CROCC2: variants seen among roughly 807,000 people sequenced by gnomAD.
CROCC2 encodes ciliary rootlet coiled-coil, rootletin family member 2.
In CROCC2, 163 loss-of-function variants were observed where a neutral mutation model predicts 177.6. That is an observed-to-expected ratio of 0.92 (90% confidence interval 0.81 to 1.05). The LOEUF is 1.05. CROCC2 is among the 50% of genes least tolerant of loss of function. The probability of loss-of-function intolerance (pLI) is 0.00; values close to 1 mark genes in which losing one functional copy is unlikely to be tolerated. For synonymous variants in CROCC2, 904 were observed against 787.3 expected (o/e 1.15, Z -2.48); for missense variants, 1,929 against 1,797.8 (o/e 1.07, Z -1.32).
intron 28 of CROCC2, among the ~76,000 whole-genome samples, chr2:240,987,089 C>A (rs77296026): frequency 0.12 from 17,617 of 152,294 alleles, 1,054 homozygotes; most frequent in South Asian, 0.19. Context: ...GCCCCTGCTG[C>A]TATTACTGAA....
intron 19 of CROCC2, 130 bp from the exon 20 acceptor site, chr2:240,959,171 C>G: frequency 1.8e-6 from 2 of 1,101,098 alleles, no homozygotes; most frequent in South Asian, 3.6e-5. Flanking sequence ...GGGGCTTGCA[C>G]GATCAGCAGG....
At chr2:240,915,260 G>C (rs2059312954) in intron 1 of CROCC2, among the ~76,000 whole-genome samples, 1 of 152,182 alleles carries the variant, frequency 6.6e-6, no homozygotes, top group Non-Finnish European at 1.5e-5. Context: ...GAAACCCCCG[G>C]TCCCCAGCAA....
At chr2:240,932,170 C>A in intron 7 of CROCC2, 148 bp from the exon 8 acceptor site, 2 of 608,006 alleles carry the variant, frequency 3.3e-6, no homozygotes, top group South Asian at 2.0e-5. Context: ...CATGCTCAGA[C>A]CAGGGACAGA....
In CROCC2 at chr2:240,960,611, C is replaced by A. The variant is rs185319220; in HGVS notation, c.3087+1167C>A. Among the ~76,000 whole-genome samples, 1 of 152,096 alleles carries A rather than the reference C, an allele frequency of 6.6e-6. No individual in the cohort carries two copies. Among genetic ancestry groups the A allele is most frequent in the African/African-American group, 2.4e-5 (1 of 41,416 alleles). ...GGGGCCCACGGGGACGGGGCGACCTCGCACACTCCCTGGGCTGCTTGCCAA... is the reference window on the plus strand; with the variant it reads ...GGGGCCCACGGGGACGGGGCGACCTAGCACACTCCCTGGGCTGCTTGCCAA... On this transcript the variant is annotated intron_variant, in intron 20 of 31. Transcript: ENST00000690015. The surrounding 1 kb of genome is among the most constrained non-coding windows in gnomAD (Gnocchi z 5.0).
Position 240,936,365 on chromosome 2 carries a change from G to A in CROCC2, c.2169+777G>A, listed in dbSNP as rs75007695. 6.0e-3 allele frequency among the ~76,000 whole-genome samples: 920 copies of A among 152,288 alleles called. 6 individuals are homozygous for A. Among genetic ancestry groups the A allele is most frequent in the Non-Finnish European group, 0.011 (729 of 68,022 alleles). On this transcript the variant is annotated intron_variant, in intron 14 of 31. Coordinates refer to ENST00000690015, the MANE Select transcript of CROCC2 (RefSeq NM_001351305.2). Reference sequence around the variant, plus strand: ...CAAAGCCCCCGGCTCCCACCCAGGTGACCTCTGCTCTGATGTGCAGCACCA... The same window carrying A: ...CAAAGCCCCCGGCTCCCACCCAGGTAACCTCTGCTCTGATGTGCAGCACCA...
In CROCC2 at chr2:240,973,573, T is replaced by C. The variant is rs999581828; in HGVS notation, c.4401+5311T>C. 6.7e-6 allele frequency among the ~76,000 whole-genome samples: 1 copy of C among 149,828 alleles called. No homozygotes were observed. The highest frequency in any genetic ancestry group is 1.5e-5 in the Non-Finnish European group (1 of 67,366). ...CCCCCCCAGCTCCCCACATCCCCAG[T>C]GCCAGCCTTGCAGGTCACCCGCCTG... On this transcript the variant is annotated intron_variant, in intron 27 of 31. Coordinates refer to ENST00000690015, the MANE Select transcript of CROCC2 (RefSeq NM_001351305.2). The surrounding 1 kb of genome is among the most constrained non-coding windows in gnomAD (Gnocchi z 4.7).
intron 1 of CROCC2, among the ~76,000 whole-genome samples, chr2:240,907,353 C>T (rs1272822029): frequency 6.6e-6 from 1 of 152,102 alleles, no homozygotes; most frequent in Non-Finnish European, 1.5e-5. Flanking sequence ...GGTCCCACCT[C>T]GGATATCCCT....
In CROCC2 at chr2:240,972,957, G is replaced by A. The variant is rs180837441; in HGVS notation, c.4401+4695G>A. Among the ~76,000 whole-genome samples the A allele has an allele frequency of 4.4e-4, 67 of 152,148 alleles. No individual in the cohort carries two copies. Among genetic ancestry groups the A allele is most frequent in the South Asian group, 3.3e-3 (16 of 4,818 alleles). On this transcript the variant is annotated intron_variant, in intron 27 of 31. Coordinates refer to ENST00000690015, the MANE Select transcript of CROCC2 (RefSeq NM_001351305.2). The surrounding 1 kb of genome is among the most constrained non-coding windows in gnomAD (Gnocchi z 7.1). ...TTGAAATTTTCTAGCCAGCCAGGGG[G>A]CTGGGAACATAGCCATGCTCCCTGC...
chr2:240,921,388 G>A (rs987597665), intron 3 of CROCC2, among the ~76,000 whole-genome samples: 4 of 152,204 alleles, frequency 2.6e-5, no homozygotes, highest in East Asian at 1.9e-4. Context: ...CAGCACATCC[G>A]TGAGCTGCCA....
intron 1 of CROCC2, among the ~76,000 whole-genome samples, chr2:240,910,293 G>A (rs551279501): frequency 1.5e-4 from 22 of 145,066 alleles, no homozygotes; most frequent in Admixed American, 7.7e-4. Context: ...CGCAGCTGAT[G>A]GAGAAGCATG....
intron 30 of CROCC2, among the ~76,000 whole-genome samples, chr2:240,990,211 T>C (rs369497766): frequency 6.6e-6 from 1 of 152,222 alleles, no homozygotes; most frequent in South Asian, 2.1e-4. Flanking sequence ...AGGTGGCCTC[T>C]GCACCTGTCC....
intron 15 of CROCC2, 141 bp downstream of exon 15, chr2:240,946,394 G>A: frequency 2.2e-6 from 2 of 895,494 alleles, no homozygotes; most frequent in South Asian, 2.3e-5. Context: ...GCTGTGAGTG[G>A]AGGCGAGCAC....
In CROCC2 at chr2:240,953,374, T is replaced by TCA; in HGVS notation, c.2830-2483_2830-2482dup. On this transcript the variant is annotated intron_variant, in intron 18 of 31. Coordinates refer to ENST00000690015, the MANE Select transcript of CROCC2 (RefSeq NM_001351305.2). This position sits in a 1 kb window ranked among gnomAD's most constrained non-coding sequence, Gnocchi z 4.0. ...TCACTGAGATTGCAGTGAGCGGAGA[T>TCA]CACGCCACTGCATTCCAGCCTGGGT... Among the ~76,000 whole-genome samples, 1 of 151,106 alleles carries TCA rather than the reference T, an allele frequency of 6.6e-6. No homozygotes were observed. Among genetic ancestry groups the TCA allele is most frequent in the Non-Finnish European group, 1.5e-5 (1 of 67,874 alleles).
At chr2:240,942,194 G>C (rs892270546) in intron 14 of CROCC2, among the ~76,000 whole-genome samples, 1 of 152,066 alleles carries the variant, frequency 6.6e-6, no homozygotes, top group African/African-American at 2.4e-5. Flanking sequence ...CATACTTTTT[G>C]CTCTTGTTGT....
chr2:240,984,115 C>G (rs2059820178), intron 28 of CROCC2, among the ~76,000 whole-genome samples: 1 of 152,180 alleles, frequency 6.6e-6, no homozygotes, highest in Admixed American at 6.5e-5. Context: ...CTGTCATCCC[C>G]CGGCCTCCCC....
chr2:240,923,469 A>G (rs150053860), intron 4 of CROCC2, among the ~76,000 whole-genome samples: 5,001 of 26,068 alleles, frequency 0.19, 412 homozygotes, highest in East Asian at 0.48. Flanking sequence ...ACACTAACCC[A>G]GCCCCCCACA....
intron 20 of CROCC2, among the ~76,000 whole-genome samples, chr2:240,962,162 T>C (rs1345344155): frequency 6.6e-6 from 1 of 152,190 alleles, no homozygotes; most frequent in African/African-American, 2.4e-5. Flanking sequence ...GCTGCCTCCC[T>C]GTAGGAGATT....
intron 14 of CROCC2, among the ~76,000 whole-genome samples, chr2:240,936,924 G>T (rs900006658): frequency 3.3e-5 from 5 of 152,136 alleles, no homozygotes; most frequent in African/African-American, 1.2e-4. Flanking sequence ...GACTGATATG[G>T]GACTGTGATG....
rs2059541761 is a variant in CROCC2 at position 240,949,609 on chromosome 2, A to T, written c.2559A>T (p.Arg853=). 4 of 1,550,304 alleles carry T rather than the reference A, an allele frequency of 2.6e-6. No homozygotes were observed. The highest frequency in any genetic ancestry group is 1.7e-6 in the Non-Finnish European group (2 of 1,146,926). Residue 853 remains arginine (R), a synonymous_variant, in exon 17 of 32, where the codon CGA becomes CGT. Transcript: ENST00000690015. The surrounding 1 kb of genome is among the most constrained non-coding windows in gnomAD (Gnocchi z 4.5). ...GGCAGGACACGGTGCGGCTCCAGCG[A>T]CAGGTGGCACAGCAGGAGCGGGAGG... is the stretch of plus-strand genomic sequence containing the variant. ...KLRQDTVRLQ[R]QVAQQEREAQ...
Sources: gnomAD v4.1 joint callset for allele counts (sites outside exome capture counted in the v4.1 genomes callset) on GRCh38, gnomAD v4.1.1 for gene constraint, Gnocchi (gnomAD v3.1) non-coding constraint, MANE v1.5 for transcripts, NCBI Gene and HGNC (gene_info 2026-07-23, HGNC 2026-07-21) for gene names.